Variants in PDE7A observed in about 807,000 individuals in gnomAD.
The protein encoded by PDE7A is high affinity 3',5'-cyclic-AMP phosphodiesterase 7A.
A neutral mutation model predicts 64.3 loss-of-function variants in PDE7A; 39 were observed. That is an observed-to-expected ratio of 0.61 (90% CI 0.47 to 0.79). The LOEUF (loss-of-function observed/expected upper bound fraction) is 0.79, where lower values mean the gene tolerates loss of function less well. Ranked by LOEUF, PDE7A falls within the 30% of genes least tolerant of loss-of-function variation. PDE7A has a pLI of 0.00. For synonymous variants in PDE7A, 203 were observed against 206.8 expected (o/e 0.98, Z 0.16); for missense variants, 470 against 582.8 (o/e 0.81, Z 1.99).
intron 1 of PDE7A, among the ~76,000 whole-genome samples, chr8:65,793,640 C>A (rs1809760212): frequency 6.6e-6 from 1 of 152,062 alleles, no homozygotes; most frequent in Non-Finnish European, 1.5e-5. Context: ...GTTCTGAATA[C>A]CACTGCAGAT....
intron 3 of PDE7A, among the ~76,000 whole-genome samples, chr8:65,766,918 G>C (rs532928421): frequency 6.6e-6 from 1 of 152,138 alleles, no homozygotes; most frequent in Non-Finnish European, 1.5e-5. Flanking sequence ...GAGAGTTGAG[G>C]AAGTTTCTCA....
At position 65,718,349 on chromosome 8, in the gene PDE7A, TTAG is replaced by T. The variant is rs1318252365; in HGVS notation, c.*938_*940del. 6.6e-6 allele frequency: 1 copy of T among 152,268 alleles called. No homozygotes were observed. The allele number at this position is 152,268 out of a possible 1,614,324, so 9.4% of individuals were successfully genotyped here. On this transcript the variant is annotated 3_prime_UTR_variant, in exon 13 of 13. Transcript: ENST00000401827. Reference sequence around the variant, plus strand: ...CTCACTCACTGCAGCGAAAGGGACTTTAGTACCCTTGATCTGAAGGACACACTC... The same window carrying T: ...CTCACTCACTGCAGCGAAAGGGACTTTACCCTTGATCTGAAGGACACACTC...
In PDE7A at chr8:65,717,045, T is replaced by C. The variant is rs1207735699; in HGVS notation, c.*2245A>G. ...TACCCCCCAAAAGAATGTAAAAACA[T>C]CTAATTGTTTTTATATTGACATTTT... On this transcript the variant is annotated 3_prime_UTR_variant, in exon 13 of 13. Coordinates refer to ENST00000401827, the MANE Select transcript of PDE7A (RefSeq NM_001242318.3). Among the ~76,000 whole-genome samples the C allele has an allele frequency of 6.6e-6, 1 of 152,176 alleles. No homozygotes were observed. The highest frequency in any genetic ancestry group is 1.5e-5 in the Non-Finnish European group (1 of 68,032).
intron 3 of PDE7A, among the ~76,000 whole-genome samples, chr8:65,773,020 T>C (rs1488617433): frequency 2.0e-5 from 3 of 151,734 alleles, no homozygotes; most frequent in African/African-American, 7.3e-5. Flanking sequence ...AAAAAAAAAT[T>C]AAGAAAAAGT....
chr8:65,716,164 C>A lies in PDE7A; in HGVS notation c.*3126G>T, dbSNP rs374927876. Among the ~76,000 whole-genome samples the A allele has an allele frequency of 3.3e-3, 460 of 137,748 alleles. 1 individual carries two copies. Among genetic ancestry groups the A allele is most frequent in the African/African-American group, 9.4e-3 (350 of 37,266 alleles). The allele number at this position is 137,748 out of a possible 152,430, so 90.4% of individuals were successfully genotyped here. On this transcript the variant is annotated 3_prime_UTR_variant, in exon 13 of 13. Coordinates refer to ENST00000401827, the MANE Select transcript of PDE7A (RefSeq NM_001242318.3). The stretch of plus-strand genomic sequence containing the variant: ...ACCCTGTCTCAAAAAAAAAAAAAAA[C>A]AAAAGGGCTATAGAAGGTGATTCCC...
rs778071446 is a variant in PDE7A, at chr8:65,814,668, TAAG to T, written c.138+26700_138+26702del. On this transcript the variant is annotated intron_variant, in intron 1 of 12. Coordinates refer to ENST00000401827, the MANE Select transcript of PDE7A (RefSeq NM_001242318.3). Reference sequence around the variant, plus strand: ...ACATTGCTTAACTCTGGGGAATTGCTAAGAAGAAGTTACCTTTAAGTGTATTTT... The same window carrying T: ...ACATTGCTTAACTCTGGGGAATTGCTAAGAAGTTACCTTTAAGTGTATTTT... Among the ~76,000 whole-genome samples, 12 of 152,300 alleles carry T rather than the reference TAAG, an allele frequency of 7.9e-5. No individual in the cohort carries two copies. In the East Asian group the frequency reaches 9.6e-4, roughly 12 times the overall value.
chr8:65,745,139 C>A (rs189686944), intron 5 of PDE7A, among the ~76,000 whole-genome samples: 2 of 152,310 alleles, frequency 1.3e-5, no homozygotes, highest in Non-Finnish European at 2.9e-5. Flanking sequence ...CTCTTGCCTG[C>A]CAACATGTAA....
intron 3 of PDE7A, among the ~76,000 whole-genome samples, chr8:65,748,540 T>C (rs1481404392): frequency 6.6e-6 from 1 of 152,162 alleles, no homozygotes; most frequent in Non-Finnish European, 1.5e-5. Flanking sequence ...TGGGGTAAAA[T>C]CTGTCTTGCA....
intron 1 of PDE7A, among the ~76,000 whole-genome samples, chr8:65,818,215 T>C (rs1451306765): frequency 1.3e-5 from 2 of 152,260 alleles, no homozygotes; most frequent in East Asian, 3.8e-4. Context: ...CAATTTCTAC[T>C]GACCTTTTTT....
intron 1 of PDE7A, among the ~76,000 whole-genome samples, chr8:65,826,591 G>A (rs1810680824): frequency 6.6e-6 from 1 of 152,124 alleles, no homozygotes; most frequent in Admixed American, 6.5e-5. Context: ...AATGAAGGCA[G>A]GAACAATGTC....
intron 3 of PDE7A, among the ~76,000 whole-genome samples, chr8:65,761,334 G>A (rs1808485213): frequency 6.6e-6 from 1 of 152,152 alleles, no homozygotes; most frequent in South Asian, 2.1e-4. Context: ...AAAGTGCTAG[G>A]ATTACAGGCA....
At chr8:65,741,687 GAA>G (rs975775217) in intron 5 of PDE7A, among the ~76,000 whole-genome samples, 1 of 152,198 alleles carries the variant, frequency 6.6e-6, no homozygotes, top group African/African-American at 2.4e-5. Context: ...AGCCATTTCT[GAA>G]GAAGTGAACA....
At chr8:65,764,600 A>G (rs1808675305) in intron 3 of PDE7A, among the ~76,000 whole-genome samples, 2 of 152,246 alleles carry the variant, frequency 1.3e-5, no homozygotes, top group South Asian at 4.1e-4. Flanking sequence ...AAAGCACTAA[A>G]AGCTTCCAAA....
rs1427158832 is a variant in PDE7A at position 65,714,699 on chromosome 8, T to G, written c.*4591A>C. 2.0e-5 allele frequency: 3 copies of G among 152,238 alleles called. No individual in the cohort carries two copies. Among genetic ancestry groups the G allele is most frequent in the Admixed American group, 2.0e-4 (3 of 15,290 alleles). The allele number at this position is 152,238 out of a possible 1,614,324, so 9.4% of individuals were successfully genotyped here. A position where few individuals can be genotyped will look rare whatever the true frequency, so the allele number is the denominator to read the frequency against. ...GATTGAGGGGATTTTAAACAACATT[T>G]ATACATTAAAATATTTATACATGCT... On this transcript the variant is annotated 3_prime_UTR_variant, in exon 13 of 13. Transcript: ENST00000401827.
rs1806177380 is a variant in PDE7A, at chr8:65,717,236, G to C, written c.*2054C>G. Among the ~76,000 whole-genome samples, 1 of 152,204 alleles carries C rather than the reference G, an allele frequency of 6.6e-6. No homozygotes were observed. Among genetic ancestry groups the C allele is most frequent in the Non-Finnish European group, 1.5e-5 (1 of 68,042 alleles). On this transcript the variant is annotated 3_prime_UTR_variant, in exon 13 of 13. Transcript: ENST00000401827. ...ATAATATGTTAATGTGTTTGATTTA[G>C]AAGTTTGCACCATATCCCTTCTAAT...
chr8:65,838,675 A>G (rs1811007264), intron 1 of PDE7A: 1 of 152,254 alleles, frequency 6.6e-6, no homozygotes, highest in Admixed American at 6.5e-5. Context: ...ATTGTGTTAT[A>G]CAACACTCAA....
At chr8:65,786,424 T>C (rs1344653667) in intron 1 of PDE7A, among the ~76,000 whole-genome samples, 2 of 152,178 alleles carry the variant, frequency 1.3e-5, no homozygotes, top group African/African-American at 2.4e-5. Context: ...GTTCTCTCAC[T>C]AGGTAGAATA....
At chr8:65,816,716 C>T (rs957757391) in intron 1 of PDE7A, among the ~76,000 whole-genome samples, 1 of 152,228 alleles carries the variant, frequency 6.6e-6, no homozygotes, top group Admixed American at 6.5e-5. Context: ...AGCCCTTAGT[C>T]ATTGCTGATG....
intron 4 of PDE7A, among the ~76,000 whole-genome samples, chr8:65,746,686 A>G (rs2128906190): frequency 6.6e-6 from 1 of 152,340 alleles, no homozygotes; most frequent in South Asian, 2.1e-4. Context: ...TACTACTAGT[A>G]GAAATCATTA....
Sources: gnomAD v4.1 joint callset for allele counts (sites outside exome capture counted in the v4.1 genomes callset) on GRCh38, gnomAD v4.1.1 for gene constraint, MANE v1.5 for transcripts, NCBI Gene and HGNC (gene_info 2026-07-23, HGNC 2026-07-21) for gene names.